Variants in FAM53B observed in about 807,000 individuals in gnomAD.
The protein encoded by FAM53B is family with sequence similarity 53 member B.
FAM53B carries 12 observed loss-of-function variants against 32.7 expected under a neutral mutation model. The observed-to-expected ratio is 0.37, with a 90% confidence interval of 0.24 to 0.59. The LOEUF (loss-of-function observed/expected upper bound fraction) is 0.59, where lower values mean the gene tolerates loss of function less well. Ranked by LOEUF, FAM53B falls within the 20% of genes least tolerant of loss-of-function variation. FAM53B has a pLI of 0.72. For synonymous variants in FAM53B, 234 were observed against 228.7 expected, an observed-to-expected ratio of 1.02 and a Z score of -0.21; for missense variants, 477 against 577.7, an observed-to-expected ratio of 0.83 and a Z score of 1.79.
intron 4 of FAM53B, among the ~76,000 whole-genome samples, chr10:124,627,944 A>G (rs185807759): frequency 6.6e-6 from 1 of 152,318 alleles, no homozygotes; most frequent in African/African-American, 2.4e-5. Flanking sequence ...CTTGCCTTCT[A>G]GGTACAAGCT....
chr10:124,651,327 C>T lies in FAM53B; in HGVS notation c.907-27723G>A, dbSNP rs966773107. On this transcript the variant is annotated intron_variant, in intron 4 of 4. Coordinates refer to ENST00000337318, the MANE Select transcript of FAM53B (RefSeq NM_014661.4). This position sits in a 1 kb window ranked among gnomAD's most constrained non-coding sequence, Gnocchi z 5.2. ...TTCCCTCTGCACCTTCCCAAAGGTG[C>T]AGAAGGAGGCTGGAGGGGTGCGGCT... is the stretch of plus-strand genomic sequence containing the variant. Among the ~76,000 whole-genome samples, 1 of 152,218 alleles carries T rather than the reference C, an allele frequency of 6.6e-6. No individual in the cohort carries two copies. Among genetic ancestry groups the T allele is most frequent in the Non-Finnish European group, 1.5e-5 (1 of 68,034 alleles).
At position 124,719,017 on chromosome 10, in the gene FAM53B, A is replaced by G. The variant is rs543928519; in HGVS notation, c.-174-12130T>C. ...GCAACACTTCACTACAGCTTAAGTGACAGAGAAAGATCCTGTCTCACAAAA... is the reference window on the plus strand; with the variant it reads ...GCAACACTTCACTACAGCTTAAGTGGCAGAGAAAGATCCTGTCTCACAAAA... On this transcript the variant is annotated intron_variant, in intron 1 of 4. Coordinates refer to ENST00000337318, the MANE Select transcript of FAM53B (RefSeq NM_014661.4). Among the ~76,000 whole-genome samples, 3 of 151,456 alleles carry G rather than the reference A, an allele frequency of 2.0e-5. No individual in the cohort carries two copies. In the East Asian group the frequency reaches 5.8e-4, roughly 30 times the overall value.
chr10:124,667,965 C>G (rs1181801926), intron 4 of FAM53B, among the ~76,000 whole-genome samples: 1 of 152,072 alleles, frequency 6.6e-6, no homozygotes, highest in African/African-American at 2.4e-5. Flanking sequence ...CAGGGCTACT[C>G]GGCTGGTGAG....
chr10:124,648,782 G>A (rs955602724), intron 4 of FAM53B, among the ~76,000 whole-genome samples: 8 of 152,236 alleles, frequency 5.3e-5, no homozygotes, highest in African/African-American at 1.7e-4. Context: ...CCGCCTGTTC[G>A]GGGCTCCTTT....
At chr10:124,735,622 T>A (rs1950168868) in intron 1 of FAM53B, among the ~76,000 whole-genome samples, 1 of 152,262 alleles carries the variant, frequency 6.6e-6, no homozygotes, top group Admixed American at 6.5e-5. Flanking sequence ...CTGACTGACC[T>A]CCTCAGGGCA....
At position 124,620,688 on chromosome 10, in the gene FAM53B, T is replaced by C. The variant is rs370424981; in HGVS notation, c.*2554A>G. ...TGCAGGAACAGGCTGCTCCGGGCAG[T>C]GTGGCAGCTTGGATGATGGGGTGGC... On this transcript the variant is annotated 3_prime_UTR_variant, in exon 5 of 5. Coordinates refer to ENST00000337318, the MANE Select transcript of FAM53B (RefSeq NM_014661.4). 1.3e-5 allele frequency: 2 copies of C among 152,434 alleles called. No individual in the cohort carries two copies. Among genetic ancestry groups the C allele is most frequent in the East Asian group, 1.9e-4 (1 of 5,210 alleles). The allele number at this position is 152,434 out of a possible 1,614,324, so 9.4% of individuals were successfully genotyped here.
rs1304119563 is a variant in FAM53B, at chr10:124,621,014, G to T, written c.*2228C>A. 1 of 152,196 alleles carries T rather than the reference G, an allele frequency of 6.6e-6. No homozygotes were observed. Among genetic ancestry groups the T allele is most frequent in the Non-Finnish European group, 1.5e-5 (1 of 68,048 alleles). The allele number at this position is 152,196 out of a possible 1,614,324, so 9.4% of individuals were successfully genotyped here. On this transcript the variant is annotated 3_prime_UTR_variant, in exon 5 of 5. Transcript: ENST00000337318. ...GCCTGAATGGGGAGGTGGCAGGCAAGGTTTGAGGGCAGGTCACCCACACCC... is the reference window on the plus strand; with the variant it reads ...GCCTGAATGGGGAGGTGGCAGGCAATGTTTGAGGGCAGGTCACCCACACCC...
chr10:124,697,592 C>T (rs916968344), intron 2 of FAM53B, among the ~76,000 whole-genome samples: 2 of 152,102 alleles, frequency 1.3e-5, no homozygotes, highest in African/African-American at 4.8e-5. Flanking sequence ...TGAAGGAGGG[C>T]TCACTCTTCA....
chr10:124,682,065 C>T lies in FAM53B; in HGVS notation c.448G>A (p.Gly150Ser). The T allele has an allele frequency of 6.2e-7, 1 of 1,613,740 alleles. No homozygotes were observed. The highest frequency in any genetic ancestry group is 2.2e-5 in the East Asian group (1 of 44,858). ...CCGTTGGAATAGCGCTGGACGCTGC[C>T]CCCGCTGTAGCAGCGTCTCTTTTCC... ...PVEKRRCYSG[G>S]SVQRYSNGFS... Residue 150 changes from glycine to serine, a missense_variant, in exon 4 of 5, where the codon GGC becomes AGC. Physicochemically the swap from Gly to Ser is moderately conservative, Grantham distance 56. Around this residue, in one of 2 missense-constraint regions of FAM53B, gnomAD observed 312 missense variants for 420.2 expected, o/e 0.74. Coordinates refer to ENST00000337318, the MANE Select transcript of FAM53B (RefSeq NM_014661.4). This position sits in a 1 kb window ranked among gnomAD's most constrained non-coding sequence, Gnocchi z 5.2.
chr10:124,657,359 ATTG>A (rs1381079480), intron 4 of FAM53B, among the ~76,000 whole-genome samples: 1 of 152,030 alleles, frequency 6.6e-6, no homozygotes, highest in Non-Finnish European at 1.5e-5. Context: ...TGTTCCACAC[ATTG>A]GTAAATGATG....
At chr10:124,714,536 G>A (rs569778046) in intron 1 of FAM53B, among the ~76,000 whole-genome samples, 3 of 152,168 alleles carry the variant, frequency 2.0e-5, no homozygotes, top group South Asian at 2.1e-4. Context: ...TGAGGCAGGC[G>A]GATCACAAGG....
chr10:124,694,221 T>G (rs544499705), intron 3 of FAM53B, among the ~76,000 whole-genome samples: 5 of 152,194 alleles, frequency 3.3e-5, no homozygotes, highest in Non-Finnish European at 7.4e-5. Flanking sequence ...GACGGAGGCA[T>G]TGGGACCCAG....
At chr10:124,696,294 C>G (rs1364680561) in intron 2 of FAM53B, 82 bp from the exon 3 acceptor site, 8 of 1,209,512 alleles carry the variant, frequency 6.6e-6, no homozygotes, top group Non-Finnish European at 7.4e-6. Flanking sequence ...CTTCTAAAGT[C>G]ACAATAAAAG....
In FAM53B at chr10:124,620,077, T is replaced by C. The variant is rs1161322332; in HGVS notation, c.*3165A>G. The C allele has an allele frequency of 6.6e-6, 1 of 152,540 alleles. No homozygotes were observed. 9.4% of individuals were successfully genotyped at this position (152,540 alleles called of 1,614,324 possible). On this transcript the variant is annotated 3_prime_UTR_variant, in exon 5 of 5. Coordinates refer to ENST00000337318, the MANE Select transcript of FAM53B (RefSeq NM_014661.4). ...AATGTGGACTTCCCCTTTATTTAAA[T>C]TTTCTTTCAGTGTACAAATTCACAA... is the stretch of plus-strand genomic sequence containing the variant.
chr10:124,713,111 C>T (rs2134090910), intron 1 of FAM53B, among the ~76,000 whole-genome samples: 1 of 152,368 alleles, frequency 6.6e-6, no homozygotes, highest in East Asian at 1.9e-4. Flanking sequence ...CTTCCAGCCA[C>T]AGCCCTCCAC....
chr10:124,735,108 C>T (rs537379063), intron 1 of FAM53B, among the ~76,000 whole-genome samples: 1 of 152,274 alleles, frequency 6.6e-6, no homozygotes, highest in East Asian at 1.9e-4. Context: ...CTCCAGGTGT[C>T]CAAGGCAGCT....
intron 4 of FAM53B, among the ~76,000 whole-genome samples, chr10:124,637,588 C>A (rs960161602): frequency 4.1e-4 from 63 of 152,168 alleles, no homozygotes; most frequent in Admixed American, 3.7e-3. Context: ...TGCTGATGTC[C>A]CACGCTCCTC....
chr10:124,687,483 G>T (rs1359453633), intron 3 of FAM53B, among the ~76,000 whole-genome samples: 1 of 152,158 alleles, frequency 6.6e-6, no homozygotes, highest in Non-Finnish European at 1.5e-5. Flanking sequence ...TCTCATACAG[G>T]GCATAGAGTA....
chr10:124,625,593 T>C (rs1196019023), intron 4 of FAM53B, among the ~76,000 whole-genome samples: 1 of 152,160 alleles, frequency 6.6e-6, no homozygotes, highest in African/African-American at 2.4e-5. Context: ...CGCCTGCCCC[T>C]GGCCAGGCCT....
Sources: gnomAD v4.1 joint callset for allele counts (sites outside exome capture counted in the v4.1 genomes callset) on GRCh38, gnomAD v4.1.1 for gene constraint, gnomAD v4.1.1 regional missense constraint, Gnocchi (gnomAD v3.1) non-coding constraint, MANE v1.5 for transcripts, NCBI Gene and HGNC (gene_info 2026-07-23, HGNC 2026-07-21) for gene names.